The following HK1 variants were observed in gnomAD, a reference collection of about 807,000 sequenced individuals.
HK1 encodes the protein hexokinase-1.
In HK1, 28 loss-of-function variants were observed where a neutral mutation model predicts 91.6. The observed-to-expected ratio is 0.31, with a 90% CI of 0.23 to 0.42. The LOEUF (loss-of-function observed/expected upper bound fraction) is 0.42. HK1 is among the 10% of genes least tolerant of loss of function. HK1 has a pLI of 1.00. For synonymous variants in HK1, 430 were observed against 468.1 expected (o/e 0.92, Z 1.05); for missense variants, 770 against 1,219.8 (o/e 0.63, Z 5.49).
At chr10:69,372,237 A>G (rs1850045980) in intron 7 of HK1, among the ~76,000 whole-genome samples, 1 of 152,240 alleles carries the variant, frequency 6.6e-6, no homozygotes, top group Admixed American at 6.5e-5. Context: ...TGGGAATTCA[A>G]GAAGAGATTT....
Position 69,364,790 on chromosome 10 carries a change from A to G in HK1, c.383A>G (p.Asp128Gly). Residue 128 changes from aspartate (D) to glycine (G), a missense_variant, in exon 4 of 18, where the codon GAT (aspartate) becomes GGT (glycine). This residue lies in a region of HK1 where 449 missense variants were observed against 665.1 expected (regional missense o/e 0.68). Transcript: ENST00000359426. ...CTCTCATGTTTCCTTCAGCTTTTTG[A>G]TCATGTTGCTGAGTGCCTGGGAGAT... Reference protein sequence around the residue: ...IVHGSGSQLFDHVAECLGDFM... With the variant: ...IVHGSGSQLFGHVAECLGDFM... The G allele has an allele frequency of 6.2e-7, 1 of 1,614,062 alleles. No homozygotes were observed.
chr10:69,310,455 C>T (rs903730574), intron 5 of HK1, among the ~76,000 whole-genome samples: 9 of 151,358 alleles, frequency 5.9e-5, no homozygotes, highest in Non-Finnish European at 1.2e-4. Flanking sequence ...CTTTCTAAGC[C>T]ATATAAAAAC....
intron 3 of HK1, among the ~76,000 whole-genome samples, chr10:69,362,994 T>TG (rs976589423): frequency 3.3e-5 from 5 of 152,106 alleles, no homozygotes; most frequent in African/African-American, 9.7e-5. Context: ...AGAGCTGGCT[T>TG]GGGGGGGATC....
intron 1 of HK1, among the ~76,000 whole-genome samples, chr10:69,280,367 T>G (rs1415012503): frequency 6.6e-6 from 1 of 152,178 alleles, no homozygotes; most frequent in Non-Finnish European, 1.5e-5. Context: ...TTTGCCCACC[T>G]CGGCCTCCCA....
intron 1 of HK1, among the ~76,000 whole-genome samples, chr10:69,328,388 C>A (rs1371089250): frequency 6.6e-6 from 1 of 152,212 alleles, no homozygotes; most frequent in Non-Finnish European, 1.5e-5. Flanking sequence ...AGGCGCCCGG[C>A]TTTTCTTTTT....
chr10:69,315,268 A>T (rs995945360), upstream of HK1, among the ~76,000 whole-genome samples: 4 of 152,200 alleles, frequency 2.6e-5, no homozygotes, highest in African/African-American at 9.7e-5. Flanking sequence ...TACAGCTGTT[A>T]TCTGTTGGAG....
chr10:69,356,650 C>T (rs889022122), intron 2 of HK1, among the ~76,000 whole-genome samples: 2 of 151,940 alleles, frequency 1.3e-5, no homozygotes, highest in African/African-American at 2.4e-5. Flanking sequence ...TTTGGGAGGC[C>T]GACGCAGGCG....
chr10:69,394,951 T>C lies in HK1; in HGVS notation c.2221T>C (p.Tyr741His). Residue 741 changes from tyrosine to histidine, a missense_variant and splice_region_variant, in exon 16 of 18, where the codon TAT (tyrosine) becomes CAT (histidine). Around this residue, in one of 7 missense-constraint regions of HK1, gnomAD observed 152 missense variants for 211.1 expected, o/e 0.72. Coordinates refer to ENST00000359426, the MANE Select transcript of HK1 (RefSeq NM_000188.3). ...EYSLNAGKQRYEKMISGMYLG... is the reference protein window; with the variant it reads ...EYSLNAGKQRHEKMISGMYLG... ...CCCAGGCCCCTCCTCCTGTCTCAGG[T>C]ATGAGAAGATGATCAGTGGTATGTA... 6.2e-7 allele frequency: 1 copy of C among 1,613,998 alleles called. No individual in the cohort carries two copies. Among genetic ancestry groups the C allele is most frequent in the Non-Finnish European group, 8.5e-7 (1 of 1,179,968 alleles).
intron 1 of HK1, among the ~76,000 whole-genome samples, chr10:69,327,245 C>G (rs1164992941): frequency 6.6e-6 from 1 of 152,072 alleles, no homozygotes. Context: ...CCTGCCTAGG[C>G]CTCTTTCCAA....
chr10:69,379,444 G>A (rs888928829), intron 8 of HK1, among the ~76,000 whole-genome samples: 2 of 152,120 alleles, frequency 1.3e-5, no homozygotes, highest in African/African-American at 2.4e-5. Context: ...CACAAAACAC[G>A]TGTACAGAAA....
At chr10:69,294,113 G>A (rs1388639495) in intron 3 of HK1, among the ~76,000 whole-genome samples, 4 of 151,992 alleles carry the variant, frequency 2.6e-5, no homozygotes, top group South Asian at 2.1e-4. Context: ...CACCCGCCTC[G>A]GCCTCCCAAA....
At position 69,309,403 on chromosome 10, in the gene HK1, G is replaced by A. The variant is rs560990021; in HGVS notation, c.27+8542G>A. 2.4e-4 allele frequency among the ~76,000 whole-genome samples: 34 copies of A among 140,770 alleles called. 1 individual carries two copies. The South Asian group carries it at 8.0e-3, about 33-fold the overall frequency. The allele number at this position is 140,770 out of a possible 152,430, so 92.4% of individuals were successfully genotyped here. On this transcript the variant is annotated intron_variant, in intron 5 of 21. Transcript: ENST00000360289. The stretch of plus-strand genomic sequence containing the variant: ...TCACTGTGCTAGCCAGGATGGTCTC[G>A]ATCTCCTGACCTTGTGATCCGCCTG...
At position 69,401,359 on chromosome 10, in the gene HK1, T is replaced by C. The variant is rs1270901788; in HGVS notation, c.*224T>C. The C allele has an allele frequency of 4.9e-6, 3 of 608,668 alleles. No homozygotes were observed. Among genetic ancestry groups the C allele is most frequent in the African/African-American group, 3.7e-5 (2 of 54,096 alleles). 37.7% of individuals were successfully genotyped at this position (608,668 alleles called of 1,614,324 possible). On this transcript the variant is annotated 3_prime_UTR_variant, in exon 18 of 18. Transcript: ENST00000359426. ...TCCCTCCTCACTTGCCCTGCCACTT[T>C]GCATGGTTTGATTTTGACCTGGTCC...
At chr10:69,318,654 C>G (rs1366302538), upstream of HK1, among the ~76,000 whole-genome samples, 2 of 152,236 alleles carry the variant, frequency 1.3e-5, no homozygotes, top group Admixed American at 6.5e-5. Context: ...CAGGAGGGAG[C>G]GGCCGCCGCG....
At position 69,343,998 on chromosome 10, in the gene HK1, G is replaced by A. The variant is rs757878306; in HGVS notation, c.226+9G>A. On this transcript the variant is annotated intron_variant, in intron 2 of 17. Coordinates refer to ENST00000359426, the MANE Select transcript of HK1 (RefSeq NM_000188.3). Reference sequence around the variant, plus strand: ...CATTCCTGATGGCTCTGGTAAGTCTGTCACCCAGAGATTGAACCCTGAGGG... The same window carrying A: ...CATTCCTGATGGCTCTGGTAAGTCTATCACCCAGAGATTGAACCCTGAGGG... The A allele has an allele frequency of 5.6e-6, 9 of 1,613,638 alleles. No homozygotes were observed. The highest frequency in any genetic ancestry group is 7.6e-6 in the Non-Finnish European group (9 of 1,179,544).
chr10:69,377,128 G>T, intron 8 of HK1, 39 bp downstream of exon 8: 1 of 1,612,894 alleles, frequency 6.2e-7, no homozygotes, highest in South Asian at 1.1e-5. Context: ...GGGGTGTTGG[G>T]GCAGAGAAGA....
chr10:69,297,948 C>T (rs193265471), intron 4 of HK1, among the ~76,000 whole-genome samples: 52 of 145,452 alleles, frequency 3.6e-4, no homozygotes, highest in Non-Finnish European at 5.1e-4. Context: ...CGGTGGCTCA[C>T]GCCTGTAATC....
intron 4 of HK1, among the ~76,000 whole-genome samples, chr10:69,366,111 G>A (rs772629177): frequency 4.6e-5 from 7 of 152,066 alleles, no homozygotes; most frequent in Admixed American, 2.6e-4. Flanking sequence ...GATTACAGAC[G>A]TGAGCCACTG....
At chr10:69,300,232 G>C (rs752541143) in intron 4 of HK1, among the ~76,000 whole-genome samples, 1 of 151,792 alleles carries the variant, frequency 6.6e-6, no homozygotes, top group Non-Finnish European at 1.5e-5. Flanking sequence ...TGTCCTGACA[G>C]TATCACTATT....
Sources: allele counts gnomAD v4.1 joint callset (sites outside exome capture counted in the v4.1 genomes callset), GRCh38; gene constraint gnomAD v4.1.1; regional missense constraint gnomAD v4.1.1; transcripts MANE v1.5; gene names NCBI Gene and HGNC (gene_info 2026-07-23, HGNC 2026-07-21).